GBP7: variants seen among roughly 807,000 people sequenced by gnomAD.
GBP7 encodes guanylate binding protein 7, also known as guanylate-binding protein 7.
A neutral mutation model predicts 61.3 loss-of-function variants in GBP7; 43 were observed. The ratio of observed to expected loss-of-function variants is 0.70; its 90% CI spans 0.55 to 0.91. The LOEUF is 0.91. Among genes scored for constraint, GBP7 ranks in the 40% least tolerant of loss-of-function variants. GBP7 has a pLI of 0.00. For synonymous variants in GBP7, 267 were observed against 271.0 expected (o/e 0.99, Z 0.14); for missense variants, 717 against 740.5 (o/e 0.97, Z 0.37).
At chr1:89,159,335 G>T (rs1476485246) in intron 3 of GBP7, among the ~76,000 whole-genome samples, 6 of 152,076 alleles carry the variant, frequency 3.9e-5, no homozygotes, top group Non-Finnish European at 7.4e-5. Flanking sequence ...CAAAAGCAAT[G>T]GCAACAAAAG....
intron 8 of GBP7, among the ~76,000 whole-genome samples, chr1:89,143,071 G>A (rs1346215778): frequency 3.3e-5 from 5 of 152,022 alleles, no homozygotes; most frequent in Non-Finnish European, 5.9e-5. Flanking sequence ...TGGGTCATTT[G>A]GTATTTGTTT....
At chr1:89,173,860 T>C (rs1647667871) in intron 1 of GBP7, among the ~76,000 whole-genome samples, 3 of 152,202 alleles carry the variant, frequency 2.0e-5, no homozygotes. Context: ...TCCTTCATCT[T>C]ACCACTCCAC....
At position 89,138,160 on chromosome 1, in the gene GBP7, CACAA is replaced by C. The variant is rs775079031; in HGVS notation, c.1468+3382_1468+3385del. Among the ~76,000 whole-genome samples the C allele has an allele frequency of 6.0e-4, 91 of 152,118 alleles. 6 individuals carry two copies. Among genetic ancestry groups the C allele is most frequent in the Admixed American group, 9.2e-4 (14 of 15,268 alleles). ...CACTGCTGAAAGAAATCTGAGACTG[CACAA>C]ACAAATGGAAAATTATTTCATGCAT... is the stretch of plus-strand genomic sequence containing the variant. On this transcript the variant is annotated intron_variant, in intron 9 of 10. Coordinates refer to ENST00000294671, the MANE Select transcript of GBP7 (RefSeq NM_207398.3).
intron 3 of GBP7, among the ~76,000 whole-genome samples, chr1:89,155,784 C>T (rs1682304151): frequency 6.6e-6 from 1 of 152,246 alleles, no homozygotes; most frequent in African/African-American, 2.4e-5. Flanking sequence ...AAACACTCTT[C>T]AGGATATTAT....
intron 5 of GBP7, among the ~76,000 whole-genome samples, chr1:89,151,419 A>G (rs1020195228): frequency 2.0e-5 from 3 of 152,256 alleles, no homozygotes; most frequent in African/African-American, 7.2e-5. Context: ...AGAAACAAGG[A>G]CAAGATGTGG....
chr1:89,175,391 A>C (rs183392875), intron 1 of GBP7, among the ~76,000 whole-genome samples: 42 of 152,344 alleles, frequency 2.8e-4, no homozygotes, highest in African/African-American at 1.0e-3. Context: ...AACTAAAAAG[A>C]TTGGGTATCT....
At chr1:89,146,185 CAA>C (rs200132354) in intron 8 of GBP7, among the ~76,000 whole-genome samples, 1,606 of 152,230 alleles carry the variant, frequency 0.011, 63 homozygotes, top group Admixed American at 0.081. Context: ...AAAAATGTGT[CAA>C]GAGTACACCA....
At chr1:89,147,804 CAGT>C in intron 7 of GBP7, 25 bp from the exon 8 acceptor site, 1 of 1,611,064 alleles carries the variant, frequency 6.2e-7, no homozygotes, top group South Asian at 1.1e-5. Context: ...TAGGGAAAAA[CAGT>C]AGAAAGAAGC....
At chr1:89,160,033 A>G (rs914642794) in intron 3 of GBP7, among the ~76,000 whole-genome samples, 3 of 152,254 alleles carry the variant, frequency 2.0e-5, no homozygotes, top group African/African-American at 7.2e-5. Flanking sequence ...ATGCAGCCAT[A>G]GAAAAGGATG....
intron 3 of GBP7, among the ~76,000 whole-genome samples, chr1:89,162,553 C>T (rs760809103): frequency 3.3e-5 from 5 of 152,150 alleles, no homozygotes; most frequent in Admixed American, 3.3e-4. Context: ...CCTGATTTGG[C>T]TTTCAGCTTG....
intron 1 of GBP7, among the ~76,000 whole-genome samples, chr1:89,174,793 C>A (rs935727594): frequency 3.3e-5 from 5 of 152,284 alleles, no homozygotes; most frequent in African/African-American, 9.6e-5. Context: ...ATTTTGAATT[C>A]TCTGCATTTG....
intron 10 of GBP7, among the ~76,000 whole-genome samples, chr1:89,132,900 T>C (rs1570335196): frequency 6.6e-6 from 1 of 152,346 alleles, no homozygotes; most frequent in East Asian, 1.9e-4. Flanking sequence ...AATCTGATAC[T>C]TTCATCCAGA....
intron 5 of GBP7, among the ~76,000 whole-genome samples, chr1:89,151,802 A>G (rs1045402846): frequency 6.6e-6 from 1 of 152,050 alleles, no homozygotes; most frequent in African/African-American, 2.4e-5. Context: ...TCTAAAGGTT[A>G]TAAGTATCCA....
Position 89,141,857 on chromosome 1 carries a change from C to T in GBP7, c.1366-209G>A, listed in dbSNP as rs376568878. Among the ~76,000 whole-genome samples, 54 of 152,312 alleles carry T rather than the reference C, an allele frequency of 3.5e-4. 5 individuals are homozygous for T. Among genetic ancestry groups the T allele is most frequent in the Admixed American group, 9.2e-4 (14 of 15,300 alleles). ...GAAAACCCTGTGTAGCAGCCTCCCT[C>T]CTGCCTGTCCAGCCTCTTCTCCCAG... is the stretch of plus-strand genomic sequence containing the variant. On this transcript the variant is annotated intron_variant, in intron 8 of 10. Coordinates refer to ENST00000294671, the MANE Select transcript of GBP7 (RefSeq NM_207398.3).
intron 5 of GBP7, among the ~76,000 whole-genome samples, chr1:89,151,776 A>G (rs1682206396): frequency 6.6e-6 from 1 of 152,088 alleles, no homozygotes; most frequent in South Asian, 2.1e-4. Context: ...CATTAACTGT[A>G]TGAATCTCCT....
rs754405202 is a variant in GBP7 at position 89,150,410 on chromosome 1, T to G, written c.791A>C (p.Gln264Pro). ...GATATAAGAACAGAAATTTTCTGAT[T>G]GCATCTGGAAATTACTATCCAGTTG... ...EDQLDSNFQM[Q>P]SENFCSYIFT... Residue 264 changes from glutamine (Q) to proline (P), a missense_variant, in exon 6 of 11, where the codon CAA (glutamine) becomes CCA (proline). Transcript: ENST00000294671. The G allele has an allele frequency of 2.5e-6, 4 of 1,613,638 alleles. No individual in the cohort carries two copies. In the African/African-American group the frequency reaches 5.3e-5, roughly 22 times the overall value.
At chr1:89,144,767 CTT>C (rs2100642517) in intron 8 of GBP7, among the ~76,000 whole-genome samples, 1 of 152,202 alleles carries the variant, frequency 6.6e-6, no homozygotes, top group African/African-American at 2.4e-5. Flanking sequence ...GACCTACTCT[CTT>C]AGCAAATTTC....
At chr1:89,133,573 A>T in intron 9 of GBP7, 122 bp from the exon 10 acceptor site, 1 of 737,862 alleles carries the variant, frequency 1.4e-6, no homozygotes, top group Non-Finnish European at 2.3e-6. Context: ...CGTAAAGAAG[A>T]CTGATAAACT....
chr1:89,133,154 T>G, intron 10 of GBP7, 104 bp downstream of exon 10: 1 of 785,576 alleles, frequency 1.3e-6, no homozygotes, highest in East Asian at 2.4e-5. Flanking sequence ...ATATATCTTT[T>G]GTGTTTCCTT....
Sources: allele counts gnomAD v4.1 joint callset (sites outside exome capture counted in the v4.1 genomes callset), GRCh38; gene constraint gnomAD v4.1.1; transcripts MANE v1.5; gene names NCBI Gene and HGNC (gene_info 2026-07-23, HGNC 2026-07-21).